CCDC171: variants seen among roughly 807,000 people sequenced by gnomAD.
CCDC171 encodes the protein coiled-coil domain-containing protein 171.
Under a neutral mutation model 168.2 loss-of-function variants are expected in CCDC171, and 177 were observed. The ratio of observed to expected loss-of-function variants is 1.05; its 90% CI spans 0.93 to 1.19. The LOEUF (loss-of-function observed/expected upper bound fraction) is 1.19, where lower values mean the gene tolerates loss of function less well. CCDC171 is among the 50% of genes most tolerant of loss of function. The probability of loss-of-function intolerance (pLI) is 0.00; values close to 1 mark genes in which losing one functional copy is unlikely to be tolerated. For synonymous variants in CCDC171, 687 were observed against 540.8 expected, an observed-to-expected ratio of 1.27 and a Z score of -3.75; for missense variants, 1,991 against 1,539.0, an observed-to-expected ratio of 1.29 and a Z score of -4.91.
At chr9:15,640,759 A>T (rs907402423) in intron 7 of CCDC171, among the ~76,000 whole-genome samples, 1 of 152,158 alleles carries the variant, frequency 6.6e-6, no homozygotes, top group Non-Finnish European at 1.5e-5. Context: ...CCTTCAATAT[A>T]TGACTCTAGC....
At chr9:15,648,499 C>G (rs1027109228) in intron 7 of CCDC171, among the ~76,000 whole-genome samples, 39 of 152,136 alleles carry the variant, frequency 2.6e-4, no homozygotes, top group South Asian at 2.1e-4. Flanking sequence ...TTAGAAAACC[C>G]CATCGTCTCA....
intron 21 of CCDC171, among the ~76,000 whole-genome samples, chr9:15,834,894 A>G (rs892599932): frequency 6.6e-6 from 1 of 152,246 alleles, no homozygotes; most frequent in Non-Finnish European, 1.5e-5. Flanking sequence ...AAATCAGAGT[A>G]TCAAAGCAAA....
At chr9:16,093,384 C>T in the CCDC171 span, among the ~76,000 whole-genome samples, 3 of 152,104 alleles carry the variant, frequency 2.0e-5, no homozygotes, top group East Asian at 1.9e-4. Context: ...GAGTAGGGGG[C>T]GGTGCTCTCA....
chr9:15,749,481 A>G (rs1053268534), intron 18 of CCDC171, among the ~76,000 whole-genome samples: 1 of 152,204 alleles, frequency 6.6e-6, no homozygotes, highest in South Asian at 2.1e-4. Context: ...CCTAATAGAC[A>G]TCTACAGAAC....
At chr9:15,739,510 C>T (rs912501414) in intron 16 of CCDC171, among the ~76,000 whole-genome samples, 1 of 152,034 alleles carries the variant, frequency 6.6e-6, no homozygotes, top group Non-Finnish European at 1.5e-5. Flanking sequence ...CTTCTCTAAA[C>T]CTCAATTTTA....
intron 8 of CCDC171, among the ~76,000 whole-genome samples, chr9:16,036,795 C>G (rs905980548): frequency 6.6e-6 from 1 of 152,196 alleles, no homozygotes; most frequent in African/African-American, 2.4e-5. Context: ...CTAGGAATAT[C>G]TGAGATGAGA....
intron 9 of CCDC171, among the ~76,000 whole-genome samples, chr9:15,678,056 C>A (rs1329517437): frequency 6.7e-6 from 1 of 150,072 alleles, no homozygotes; most frequent in African/African-American, 2.5e-5. Flanking sequence ...ACTACAGACA[C>A]ACACCACTGT....
chr9:15,572,162 G>A (rs2040278918), intron 3 of CCDC171, among the ~76,000 whole-genome samples: 1 of 152,010 alleles, frequency 6.6e-6, no homozygotes, highest in African/African-American at 2.4e-5. Context: ...TTCATAAATT[G>A]TCTTAGTTTA....
At chr9:16,074,417 G>T in the CCDC171 span, among the ~76,000 whole-genome samples, 1 of 152,166 alleles carries the variant, frequency 6.6e-6, no homozygotes, top group Admixed American at 6.5e-5. Flanking sequence ...ATTTCCTATC[G>T]TTCAACTTCC....
chr9:15,899,041 A>G (rs772677318), intron 24 of CCDC171, among the ~76,000 whole-genome samples: 2 of 152,210 alleles, frequency 1.3e-5, no homozygotes, highest in Non-Finnish European at 2.9e-5. Flanking sequence ...TGTCATTTCA[A>G]TAATGTAATA....
chr9:15,991,238 C>G (rs928504489), intron 3 of CCDC171, among the ~76,000 whole-genome samples: 1 of 152,064 alleles, frequency 6.6e-6, no homozygotes, highest in African/African-American at 2.4e-5. Flanking sequence ...AAACTCAGAC[C>G]ACAGTGCGAT....
chr9:15,666,881 TAGC>T (rs1270385042), intron 9 of CCDC171, among the ~76,000 whole-genome samples: 2 of 152,192 alleles, frequency 1.3e-5, no homozygotes, highest in East Asian at 3.8e-4. Flanking sequence ...ATAATAATAA[TAGC>T]AGTAACACTA....
chr9:15,804,326 G>C (rs866711358), intron 21 of CCDC171, among the ~76,000 whole-genome samples: 1 of 152,092 alleles, frequency 6.6e-6, no homozygotes, highest in African/African-American at 2.4e-5. Flanking sequence ...AAGAGGGAAT[G>C]CTTCCAGCTT....
intron 24 of CCDC171, chr9:15,876,226 C>G (rs1437555794): frequency 6.6e-6 from 1 of 152,016 alleles, no homozygotes; most frequent in Non-Finnish European, 1.5e-5. Flanking sequence ...ATATTAGACT[C>G]CCACCTGGAT....
At chr9:15,626,997 T>C (rs2045191223) in intron 7 of CCDC171, among the ~76,000 whole-genome samples, 1 of 152,244 alleles carries the variant, frequency 6.6e-6, no homozygotes, top group Admixed American at 6.5e-5. Flanking sequence ...TTTCAGAGCC[T>C]GTTATTGGTC....
At chr9:15,566,094 C>T (rs34185088) in intron 2 of CCDC171, among the ~76,000 whole-genome samples, 1 of 152,008 alleles carries the variant, frequency 6.6e-6, no homozygotes, top group African/African-American at 2.4e-5. Flanking sequence ...TTGAATTTTC[C>T]TAATGATTAA....
chr9:15,893,113 T>C (rs564903883), intron 24 of CCDC171, among the ~76,000 whole-genome samples: 5 of 151,908 alleles, frequency 3.3e-5, no homozygotes, highest in Non-Finnish European at 7.4e-5. Context: ...ACAGAATAGA[T>C]AATCCAGAAA....
intron 21 of CCDC171, among the ~76,000 whole-genome samples, chr9:15,837,286 T>C (rs915976463): frequency 3.3e-5 from 5 of 152,134 alleles, no homozygotes; most frequent in Admixed American, 3.3e-4. Flanking sequence ...GCGATCTCGC[T>C]CATTTAGAAG....
the CCDC171 span, among the ~76,000 whole-genome samples, chr9:16,071,453 C>A: frequency 6.6e-6 from 1 of 152,190 alleles, no homozygotes; most frequent in African/African-American, 2.4e-5. Context: ...CTCAGACTTT[C>A]CAGCTACTCT....
Sources: allele counts gnomAD v4.1 joint callset (sites outside exome capture counted in the v4.1 genomes callset), GRCh38; gene constraint gnomAD v4.1.1; transcripts MANE v1.5; gene names NCBI Gene and HGNC (gene_info 2026-07-23, HGNC 2026-07-21).